CHLSN: variants seen among roughly 807,000 people sequenced by gnomAD.
CHLSN encodes protein cholesin.
the CHLSN span, among the ~76,000 whole-genome samples, chr7:1,071,531 G>A: frequency 2.0e-5 from 3 of 152,050 alleles, no homozygotes; most frequent in Non-Finnish European, 2.9e-5. Context: ...AGTCCACAGC[G>A]ACACTCCAAA....
chr7:1,107,098 C>T, the CHLSN span, among the ~76,000 whole-genome samples: 89 of 152,338 alleles, frequency 5.8e-4, no homozygotes, highest in African/African-American at 2.0e-3. Flanking sequence ...AGCTCAAATG[C>T]TCTGTACTGC....
chr7:1,065,781 T>G, the CHLSN span, among the ~76,000 whole-genome samples: 1 of 152,174 alleles, frequency 6.6e-6, no homozygotes, highest in Non-Finnish European at 1.5e-5. Flanking sequence ...CGAGTACAGA[T>G]CACGGCTCAG....
chr7:985,174 T>C, the CHLSN span: 2 of 1,578,588 alleles, frequency 1.3e-6, no homozygotes, highest in African/African-American at 2.7e-5. Flanking sequence ...AGGCCGGCCC[T>C]TCCCGCTGGC....
chr7:1,020,859 T>G, the CHLSN span, among the ~76,000 whole-genome samples: 1 of 152,114 alleles, frequency 6.6e-6, no homozygotes, highest in African/African-American at 2.4e-5. Context: ...TCGACTTTCT[T>G]GGGGGCAATC....
At chr7:992,871 G>A in the CHLSN span, among the ~76,000 whole-genome samples, 1 of 152,228 alleles carries the variant, frequency 6.6e-6, no homozygotes, top group Admixed American at 6.5e-5. Flanking sequence ...CAAATGCCCC[G>A]AGGCAGGCCC....
the CHLSN span, among the ~76,000 whole-genome samples, chr7:1,041,330 G>GGGGTCCGCGCTGCGGGGAAGGGGA: frequency 1.5e-5 from 1 of 65,932 alleles, no homozygotes; most frequent in South Asian, 4.6e-4. Flanking sequence ...GGGGAAGGGG[G>GGGGTCCGCGCTGCGGGGAAGGGGA]CCTGGGGTCC....
chr7:1,058,729 C>T, the CHLSN span: 1 of 586,796 alleles, frequency 1.7e-6, no homozygotes. Context: ...CTCCCCGAGG[C>T]CTGTGCGTCT....
At chr7:1,125,226 G>A in the CHLSN span, among the ~76,000 whole-genome samples, 18 of 152,342 alleles carry the variant, frequency 1.2e-4, no homozygotes, top group South Asian at 2.1e-3. Context: ...ATCCGTGGCT[G>A]GGTAGCCCAG....
chr7:1,057,980 G>A, the CHLSN span: 14 of 770,638 alleles, frequency 1.8e-5, no homozygotes, highest in South Asian at 5.4e-5. Flanking sequence ...GGGGTGGCGC[G>A]CTGCTGACCA....
chr7:1,098,841 G>T, the CHLSN span, among the ~76,000 whole-genome samples: 1 of 152,234 alleles, frequency 6.6e-6, no homozygotes, highest in Non-Finnish European at 1.5e-5. Context: ...CGGGGGACGG[G>T]GAGCCACTGC....
chr7:1,079,043 C>T, the CHLSN span, among the ~76,000 whole-genome samples: 5 of 134,652 alleles, frequency 3.7e-5, no homozygotes, highest in South Asian at 5.0e-4. Flanking sequence ...AGCGAGGCAG[C>T]GGGTCAGGGC....
chr7:1,005,781 C>T, the CHLSN span, among the ~76,000 whole-genome samples: 1 of 152,336 alleles, frequency 6.6e-6, no homozygotes, highest in South Asian at 2.1e-4. Flanking sequence ...CTCTCGTCCT[C>T]CCGCAGGTGA....
chr7:1,082,380 T>C, the CHLSN span: 2 of 152,196 alleles, frequency 1.3e-5, no homozygotes, highest in Admixed American at 6.5e-5. Context: ...CACATCACAA[T>C]GGGGCCCGAG....
At chr7:1,010,199 G>A in the CHLSN span, 1 of 1,511,216 alleles carries the variant, frequency 6.6e-7, no homozygotes, top group East Asian at 2.3e-5. Context: ...AGAGACGGGT[G>A]CGCTGCCTGG....
At chr7:1,041,765 G>A in the CHLSN span, among the ~76,000 whole-genome samples, 2 of 151,940 alleles carry the variant, frequency 1.3e-5, no homozygotes, top group Admixed American at 6.6e-5. Context: ...GTTCATCTCC[G>A]AGGGGAACGC....
the CHLSN span, chr7:1,021,636 G>A: frequency 2.1e-6 from 2 of 946,752 alleles, no homozygotes; most frequent in Non-Finnish European, 1.3e-6. Flanking sequence ...AGTGTGACTG[G>A]CTTTGCTGCC....
chr7:992,385 T>C, the CHLSN span, among the ~76,000 whole-genome samples: 4 of 152,074 alleles, frequency 2.6e-5, no homozygotes, highest in African/African-American at 4.8e-5. Context: ...GCTCGGAGGG[T>C]GAGGCCCCCC....
the CHLSN span, among the ~76,000 whole-genome samples, chr7:1,133,786 G>GATAA: frequency 6.7e-6 from 1 of 148,898 alleles, no homozygotes; most frequent in Non-Finnish European, 1.5e-5. Context: ...GCTACTTTAC[G>GATAA]ATAAATAAAT....
chr7:1,049,787 G>A, the CHLSN span, among the ~76,000 whole-genome samples: 6 of 152,224 alleles, frequency 3.9e-5, no homozygotes, highest in African/African-American at 1.4e-4. Flanking sequence ...ACAGTTTTAG[G>A]ACTGTTTTCG....
Sources: gnomAD v4.1 joint callset for allele counts (sites outside exome capture counted in the v4.1 genomes callset) on GRCh38, gnomAD v4.1.1 for gene constraint, MANE v1.5 for transcripts, NCBI Gene and HGNC (gene_info 2026-07-23, HGNC 2026-07-21) for gene names.